The following UNC13D variants were observed in gnomAD, a reference collection of about 807,000 sequenced individuals.
The protein encoded by UNC13D is protein unc-13 homolog D.
UNC13D carries 115 observed loss-of-function variants against 151.7 expected under a neutral mutation model. That is an observed-to-expected ratio of 0.76 (90% confidence interval 0.65 to 0.88). The LOEUF (loss-of-function observed/expected upper bound fraction) is 0.88, where lower values mean the gene tolerates loss of function less well. UNC13D is among the 40% of genes least tolerant of loss of function. The pLI is 0.00. For synonymous variants in UNC13D, 588 were observed against 612.2 expected (o/e 0.96, Z 0.58); for missense variants, 1,369 against 1,438.7 (o/e 0.95, Z 0.78).
Position 75,840,007 on chromosome 17 carries a change from G to A in UNC13D, c.951+11C>T, listed in dbSNP as rs1277338060. The stretch of plus-strand genomic sequence containing the variant: ...CAGCCCCGGCTGCGCCCAGCCCCAG[G>A]AGGGCAATACCTCGTGCTGGGTGAC... On this transcript the variant is annotated intron_variant, in intron 11 of 31. Coordinates refer to ENST00000207549, the MANE Select transcript of UNC13D (RefSeq NM_199242.3). This position sits in a 1 kb window ranked among gnomAD's most constrained non-coding sequence, Gnocchi z 4.6. The A allele has an allele frequency of 1.9e-6, 3 of 1,613,440 alleles. No individual in the cohort carries two copies. Among genetic ancestry groups the A allele is most frequent in the South Asian group, 1.1e-5 (1 of 91,082 alleles).
In UNC13D at chr17:75,836,342, C is replaced by G; in HGVS notation, c.1386G>C (p.Leu462=). ...APLPQLVTEA[L]QTGTTEWFHL... is the part of the protein sequence containing the mutation. Reference sequence around the variant, plus strand: ...ATCCCCAGCGCGAGTACCATACCTGCAGGGCCTCAGTCACCAGCTGGGGCA... The same window carrying G: ...ATCCCCAGCGCGAGTACCATACCTGGAGGGCCTCAGTCACCAGCTGGGGCA... Residue 462 remains leucine, a synonymous_variant, in exon 15 of 32, where the codon CTG becomes CTC. Coordinates refer to ENST00000207549, the MANE Select transcript of UNC13D (RefSeq NM_199242.3). 1 of 1,613,974 alleles carries G rather than the reference C, an allele frequency of 6.2e-7. No individual in the cohort carries two copies. Among genetic ancestry groups the G allele is most frequent in the Admixed American group, 1.7e-5 (1 of 60,018 alleles).
intron 6 of UNC13D, among the ~76,000 whole-genome samples, chr17:75,841,735 G>A (rs186944278): frequency 2.5e-4 from 37 of 145,456 alleles, no homozygotes; most frequent in Middle Eastern, 4.1e-3. Flanking sequence ...GAGTCCCTGC[G>A]CCTGGCCCCC....
Position 75,827,514 on chromosome 17 carries a change from T to A in UNC13D, c.*451A>T, listed in dbSNP as rs1345441837. On this transcript the variant is annotated 3_prime_UTR_variant, in exon 32 of 32. Transcript: ENST00000207549. ...TCCCCCCAGGGCAGCTGGAGCCTCA[T>A]CTTTGGCAGGGTCCCCTCTCCCTTT... is the stretch of plus-strand genomic sequence containing the variant. 4 of 1,530,026 alleles carry A rather than the reference T, an allele frequency of 2.6e-6. No homozygotes were observed. The highest frequency in any genetic ancestry group is 1.2e-5 in the South Asian group (1 of 83,722). The allele number at this position is 1,530,026 out of a possible 1,614,324, so 94.8% of individuals were successfully genotyped here. A position where few individuals can be genotyped will look rare whatever the true frequency, so the allele number is the denominator to read the frequency against.
intron 28 of UNC13D, 24 bp downstream of exon 28, chr17:75,830,554 C>T (rs376533002): frequency 1.2e-4 from 181 of 1,568,226 alleles, no homozygotes; most frequent in African/African-American, 3.4e-4. Context: ...CTGCAGAGGG[C>T]GCAGTGCGAG....
intron 25 of UNC13D, chr17:75,831,628 A>T: frequency 2.0e-6 from 1 of 505,554 alleles, no homozygotes; most frequent in Non-Finnish European, 3.6e-6. Context: ...ACAAGGCTGG[A>T]GACAGGGAGG....
chr17:75,843,874 G>A (rs1212779031), intron 1 of UNC13D: 3 of 1,371,712 alleles, frequency 2.2e-6, no homozygotes, highest in Middle Eastern at 5.5e-4. Flanking sequence ...ACGTCGGCCT[G>A]GGGGTCTGCT....
At position 75,833,712 on chromosome 17, in the gene UNC13D, T is replaced by C. The variant is rs1019762479; in HGVS notation, c.2367+363A>G. Among the ~76,000 whole-genome samples the C allele has an allele frequency of 1.3e-5, 2 of 152,208 alleles. No individual in the cohort carries two copies. ...AATAAATAGTTGGTGAATGAATGAATATCCTTCTACCCGCCAGTCGAAGGT... is the reference window on the plus strand; with the variant it reads ...AATAAATAGTTGGTGAATGAATGAACATCCTTCTACCCGCCAGTCGAAGGT... On this transcript the variant is annotated intron_variant, in intron 24 of 31. Transcript: ENST00000207549. This position sits in a 1 kb window ranked among gnomAD's most constrained non-coding sequence, Gnocchi z 4.0.
chr17:75,835,021 C>T lies in UNC13D; in HGVS notation c.1891G>A (p.Val631Met). Residue 631 changes from valine to methionine, a missense_variant, in exon 21 of 32, where the codon GTG becomes ATG. By Grantham distance (21) the Val-to-Met change is conservative. Around this residue, in one of 3 missense-constraint regions of UNC13D, gnomAD observed 807 missense variants for 795.5 expected, o/e 1.01. Coordinates refer to ENST00000207549, the MANE Select transcript of UNC13D (RefSeq NM_199242.3). ...GELTKHSTSAVDLSTCFAQIS... is the reference protein window; with the variant it reads ...GELTKHSTSAMDLSTCFAQIS... Reference sequence around the variant, plus strand: ...TGGGCAAAGCAGGTGGATAGATCCACCGCTGATGTGCTGTGCTTGGTCAGT... The same window carrying T: ...TGGGCAAAGCAGGTGGATAGATCCATCGCTGATGTGCTGTGCTTGGTCAGT... The T allele has an allele frequency of 6.2e-7, 1 of 1,614,024 alleles. No individual in the cohort carries two copies. Among genetic ancestry groups the T allele is most frequent in the Non-Finnish European group, 8.5e-7 (1 of 1,180,018 alleles).
At chr17:75,838,783 C>T (rs984968881) in intron 12 of UNC13D, among the ~76,000 whole-genome samples, 2 of 152,208 alleles carry the variant, frequency 1.3e-5, no homozygotes, top group African/African-American at 4.8e-5. Flanking sequence ...GAGGCACACA[C>T]ATCGCTCCGC....
At chr17:75,829,464 T>C (rs1307608381) in intron 30 of UNC13D, among the ~76,000 whole-genome samples, 1 of 151,810 alleles carries the variant, frequency 6.6e-6, no homozygotes, top group Non-Finnish European at 1.5e-5. Flanking sequence ...CCCAGCTAAT[T>C]TTTTGTTTTT....
chr17:75,834,426 C>T lies in UNC13D; in HGVS notation c.2197G>A (p.Glu733Lys), dbSNP rs1469229658. 7 of 1,570,990 alleles carry T rather than the reference C, an allele frequency of 4.5e-6. No homozygotes were observed. The highest frequency in any genetic ancestry group is 6.0e-6 in the Non-Finnish European group (7 of 1,164,350). The change falls in exon 23 of 32, where the codon GAG (glutamate) becomes AAG (lysine). Residue 733 changes from glutamate (E) to lysine (K), a missense_variant. This residue lies in a region of UNC13D where 807 missense variants were observed against 795.5 expected (regional missense o/e 1.01). Transcript: ENST00000207549. ...ALEQRVGAVL[E>K]QGQLQNTLHA... is the part of the protein sequence containing the mutation. The stretch of plus-strand genomic sequence containing the variant: ...AGCGTGTTCTGCAGCTGCCCCTGCT[C>T]CAGCACGGCCCCTACCCGCTGCTCC...
intron 12 of UNC13D, 56 bp from the exon 13 acceptor site, chr17:75,836,974 G>A: frequency 7.6e-7 from 1 of 1,324,454 alleles, no homozygotes; most frequent in African/African-American, 2.5e-5. Context: ...GCCTTCCCCT[G>A]TTCACCCGGC....
intron 12 of UNC13D, 116 bp downstream of exon 12, chr17:75,839,723 A>T (rs1197679288): frequency 8.6e-7 from 1 of 1,165,394 alleles, no homozygotes; most frequent in African/African-American, 1.5e-5. Flanking sequence ...TAAAACACAC[A>T]TTTTGGGCCA....
Position 75,836,616 on chromosome 17 carries a change from G to C in UNC13D, c.1254C>G (p.Pro418=), listed in dbSNP as rs1211502322. 6.2e-7 allele frequency: 1 copy of C among 1,613,804 alleles called. No individual in the cohort carries two copies. Residue 418 remains proline (P), a synonymous_variant, in exon 14 of 32, where the codon CCC becomes CCG. Coordinates refer to ENST00000207549, the MANE Select transcript of UNC13D (RefSeq NM_199242.3). ...SLIRRFRSVF[P]LSVSDSPARL... is the part of the protein sequence containing the mutation. ...GGGCTGGGGAGTCCGAGACAGAGAG[G>C]GGGAAGACAGAGCGGAACCTCCGGA...
chr17:75,827,515 C>A lies in UNC13D; in HGVS notation c.*450G>T. On this transcript the variant is annotated 3_prime_UTR_variant, in exon 32 of 32. Coordinates refer to ENST00000207549, the MANE Select transcript of UNC13D (RefSeq NM_199242.3). ...CCCCCCAGGGCAGCTGGAGCCTCAT[C>A]TTTGGCAGGGTCCCCTCTCCCTTTT... 2 of 1,530,524 alleles carry A rather than the reference C, an allele frequency of 1.3e-6. No individual in the cohort carries two copies. Among genetic ancestry groups the A allele is most frequent in the Non-Finnish European group, 1.7e-6 (2 of 1,143,280 alleles). 94.8% of individuals were successfully genotyped at this position (1,530,524 alleles called of 1,614,324 possible).
chr17:75,844,084 C>T (rs887952957), intron 1 of UNC13D, 137 bp downstream of exon 1: 1 of 1,500,998 alleles, frequency 6.7e-7, no homozygotes, highest in African/African-American at 1.4e-5. Flanking sequence ...GGGCTCTCCC[C>T]AGGGTGGAGT....
chr17:75,827,686 GGCGGGC>G lies in UNC13D; in HGVS notation c.*273_*278del, dbSNP rs2062133224. The G allele has an allele frequency of 6.5e-7, 1 of 1,527,790 alleles. No individual in the cohort carries two copies. Among genetic ancestry groups the G allele is most frequent in the Admixed American group, 2.0e-5 (1 of 50,480 alleles). The allele number at this position is 1,527,790 out of a possible 1,614,324, so 94.6% of individuals were successfully genotyped here. A position where few individuals can be genotyped will look rare whatever the true frequency, so the allele number is the denominator to read the frequency against. ...GCCCACCACAGCAGCTTTTCTGAGA[GGCGGGC>G]AGGGGCAGGGTTTGCTCCCCCTGGT... On this transcript the variant is annotated 3_prime_UTR_variant, in exon 32 of 32. Transcript: ENST00000207549.
In UNC13D at chr17:75,835,845, AG is replaced by A; in HGVS notation, c.1596+9del. On this transcript the variant is annotated intron_variant, in intron 18 of 31. Coordinates refer to ENST00000207549, the MANE Select transcript of UNC13D (RefSeq NM_199242.3). Reference sequence around the variant, plus strand: ...GGAGGGCATGCCCTAGAGACGGGGGAGGGACTCACCAGCCACTGCAGCTCCC... The same window carrying A: ...GGAGGGCATGCCCTAGAGACGGGGGAGGACTCACCAGCCACTGCAGCTCCC... 6.2e-7 allele frequency: 1 copy of A among 1,613,894 alleles called. No individual in the cohort carries two copies. Among genetic ancestry groups the A allele is most frequent in the East Asian group, 2.2e-5 (1 of 44,874 alleles).
rs558726483 is a variant in UNC13D at position 75,840,323 on chromosome 17, G to A, written c.760C>T (p.Arg254Cys). 225 of 1,613,506 alleles carry A rather than the reference G, an allele frequency of 1.4e-4. 6 individuals carry two copies. The East Asian group carries it at 1.7e-3, about 12-fold the overall frequency. ...GNVVLRLQDLRCREDQWYPLE... is the reference protein window; with the variant it reads ...GNVVLRLQDLCCREDQWYPLE... ...GGGTACCACTGGTCCTCTCGGCAGC[G>A]CAGGTCCTGACAGGCGGGGATGCCC... The change falls in exon 10 of 32, where the codon CGC becomes TGC. Residue 254 changes from arginine to cysteine, a missense_variant. Transcript: ENST00000207549. This position sits in a 1 kb window ranked among gnomAD's most constrained non-coding sequence, Gnocchi z 4.6.
Sources: gnomAD v4.1 joint callset for allele counts (sites outside exome capture counted in the v4.1 genomes callset) on GRCh38, gnomAD v4.1.1 for gene constraint, gnomAD v4.1.1 regional missense constraint, Gnocchi (gnomAD v3.1) non-coding constraint, MANE v1.5 for transcripts, NCBI Gene and HGNC (gene_info 2026-07-23, HGNC 2026-07-21) for gene names.